DST: variants seen among roughly 807,000 people sequenced by gnomAD.
The protein encoded by DST is dystonin.
Under a neutral mutation model 875.2 loss-of-function variants are expected in DST, and 253 were observed. The ratio of observed to expected loss-of-function variants is 0.29; its 90% CI spans 0.26 to 0.32. The LOEUF is 0.32. Among genes scored for constraint, DST ranks in the 10% least tolerant of loss-of-function variants. DST has a pLI of 1.00. For missense variants in DST, 8,287 were observed against 9,111.6 expected (o/e 0.91, Z 3.68); for synonymous variants, 3,124 against 3,197.1 (o/e 0.98, Z 0.77).
chr6:56,893,231 CAT>C lies in DST; in HGVS notation c.417+7188_417+7189del, dbSNP rs543149568. ...TTGAGTCCTCATAGCTTAGCTCCCACATGTCAGTGAGAACATATGATGTTTGG... is the reference window on the plus strand; with the variant it reads ...TTGAGTCCTCATAGCTTAGCTCCCACGTCAGTGAGAACATATGATGTTTGG... On this transcript the variant is annotated intron_variant, in intron 3 of 103. Coordinates refer to ENST00000680361, the MANE Select transcript of DST (RefSeq NM_001374736.1). 1.5e-3 allele frequency among the ~76,000 whole-genome samples: 229 copies of C among 152,328 alleles called. 1 individual carries two copies. Among genetic ancestry groups the C allele is most frequent in the African/African-American group, 4.5e-3 (189 of 41,572 alleles).
chr6:56,475,411 AC>A (rs2095135722), intron 92 of DST, among the ~76,000 whole-genome samples: 1 of 151,670 alleles, frequency 6.6e-6, no homozygotes, highest in Non-Finnish European at 1.5e-5. Flanking sequence ...ACACACACAC[AC>A]ACACACACAC....
At chr6:56,616,155 A>G in intron 36 of DST, 1 of 1,614,202 alleles carries the variant, frequency 6.2e-7, no homozygotes, top group Non-Finnish European at 8.5e-7. Context: ...TTGGGGACTA[A>G]CCGGCTCAGC....
chr6:56,736,441 T>A (rs2099524257), intron 4 of DST, among the ~76,000 whole-genome samples: 1 of 152,226 alleles, frequency 6.6e-6, no homozygotes, highest in Non-Finnish European at 1.5e-5. Context: ...CACTATCTTC[T>A]TCCTCCCTAC....
chr6:56,884,952 G>C (rs895753706), intron 3 of DST, among the ~76,000 whole-genome samples: 2 of 152,182 alleles, frequency 1.3e-5, no homozygotes. Context: ...GGATGGTCTC[G>C]ATCTCCTGAC....
At chr6:56,508,325 C>T (rs1215283969) in intron 75 of DST, among the ~76,000 whole-genome samples, 3 of 152,118 alleles carry the variant, frequency 2.0e-5, no homozygotes, top group African/African-American at 4.8e-5. Flanking sequence ...TGAGCCACCA[C>T]GCAGGCCTGA....
chr6:56,505,900 A>G (rs1041251055), intron 77 of DST, among the ~76,000 whole-genome samples: 3 of 152,222 alleles, frequency 2.0e-5, no homozygotes, highest in Admixed American at 6.5e-5. Flanking sequence ...AACAACTATT[A>G]AAAGAAATTA....
chr6:56,766,800 G>A (rs1244182411), intron 4 of DST, among the ~76,000 whole-genome samples: 2 of 152,238 alleles, frequency 1.3e-5, no homozygotes, highest in East Asian at 3.9e-4. Context: ...CAAAGTGCTG[G>A]GATTACAGGC....
intron 7 of DST, 37 bp from the exon 8 acceptor site, chr6:56,702,002 C>T (rs777802611): frequency 4.1e-6 from 5 of 1,223,164 alleles, no homozygotes; most frequent in Non-Finnish European, 2.4e-6. Flanking sequence ...AAAAGAGTTT[C>T]TGTTATCACA....
chr6:56,606,172 A>G lies in DST; in HGVS notation c.8456T>C (p.Ile2819Thr), dbSNP rs1466071494. Residue 2819 changes from isoleucine to threonine, a missense_variant, in exon 40 of 104, where the codon ATA becomes ACA. Transcript: ENST00000680361. ...DDGIDEEGGG[I>T]RDENGKPRCQ... Reference sequence around the variant, plus strand: ...CCTGGGCTTTCCATTCTCATCTCTTATACCTCCTCCTTCTTCATCAATGCC... The same window carrying G: ...CCTGGGCTTTCCATTCTCATCTCTTGTACCTCCTCCTTCTTCATCAATGCC... The G allele has an allele frequency of 7.5e-6, 12 of 1,598,552 alleles. No individual in the cohort carries two copies. The South Asian group carries it at 8.9e-5, about 12-fold the overall frequency.
At chr6:56,546,219 A>G (rs1393421378) in intron 61 of DST, among the ~76,000 whole-genome samples, 1 of 151,168 alleles carries the variant, frequency 6.6e-6, no homozygotes, top group African/African-American at 2.4e-5. Context: ...CCTGTAAGTT[A>G]CTACAATACT....
chr6:56,496,841 A>G (rs1005529033), intron 82 of DST, among the ~76,000 whole-genome samples: 1 of 152,202 alleles, frequency 6.6e-6, no homozygotes, highest in African/African-American at 2.4e-5. Flanking sequence ...GCCATAAAAA[A>G]TGATGAGTTC....
At chr6:56,833,738 T>C (rs2099790182) in intron 4 of DST, among the ~76,000 whole-genome samples, 1 of 152,164 alleles carries the variant, frequency 6.6e-6, no homozygotes, top group Non-Finnish European at 1.5e-5. Context: ...AAGAATGCTA[T>C]GACCATATAA....
At chr6:56,546,150 CAGG>C (rs1292531827) in intron 61 of DST, among the ~76,000 whole-genome samples, 1 of 151,440 alleles carries the variant, frequency 6.6e-6, no homozygotes. Context: ...CTGATCTTGA[CAGG>C]AGTTTATCTT....
At chr6:56,691,832 A>AAG (rs150409538) in intron 9 of DST, among the ~76,000 whole-genome samples, 7,253 of 152,242 alleles carry the variant, frequency 0.048, 254 homozygotes, top group Non-Finnish European at 0.073. Flanking sequence ...CATAAAGGAA[A>AAG]AGATGTACCC....
intron 3 of DST, among the ~76,000 whole-genome samples, chr6:56,888,005 C>T (rs1379738582): frequency 2.0e-5 from 3 of 148,984 alleles, no homozygotes; most frequent in African/African-American, 5.0e-5. Context: ...GGCTGGAGTG[C>T]AGCAGTGCGA....
At chr6:56,470,096 A>G in intron 96 of DST, 32 bp downstream of exon 96, 1 of 1,609,270 alleles carries the variant, frequency 6.2e-7, no homozygotes, top group South Asian at 1.1e-5. Context: ...ACATACTATC[A>G]GTGTTGTACG....
At chr6:56,721,582 C>T (rs1361307546) in intron 5 of DST, among the ~76,000 whole-genome samples, 1 of 152,200 alleles carries the variant, frequency 6.6e-6, no homozygotes, top group East Asian at 1.9e-4. Flanking sequence ...GTTTGGGGTC[C>T]CTGACTTCCG....
At position 56,878,435 on chromosome 6, in the gene DST, A is replaced by G. The variant is rs888165884; in HGVS notation, c.417+21986T>C. 1.4e-4 allele frequency among the ~76,000 whole-genome samples: 21 copies of G among 152,190 alleles called. 1 individual carries two copies. Among genetic ancestry groups the G allele is most frequent in the African/African-American group, 5.1e-4 (21 of 41,460 alleles). ...GCACTGAGCTGCCCCTCCGTGGCAC[A>G]TGCTTTTGGGAGATCTGTCATGGAC... is the stretch of plus-strand genomic sequence containing the variant. On this transcript the variant is annotated intron_variant, in intron 3 of 103. Transcript: ENST00000680361.
chr6:56,809,432 C>A (rs137987480), intron 4 of DST, among the ~76,000 whole-genome samples: 249 of 152,236 alleles, frequency 1.6e-3, no homozygotes, highest in African/African-American at 5.4e-3. Flanking sequence ...TATTTCACAA[C>A]CTAACCATTT....
Sources: allele counts gnomAD v4.1 joint callset (sites outside exome capture counted in the v4.1 genomes callset), GRCh38; gene constraint gnomAD v4.1.1; transcripts MANE v1.5; gene names NCBI Gene and HGNC (gene_info 2026-07-23, HGNC 2026-07-21).